The following FAM135B variants were observed in gnomAD, a reference collection of about 807,000 sequenced individuals.
FAM135B encodes family with sequence similarity 135 member B, also known as protein FAM135B.
FAM135B carries 43 observed loss-of-function variants against 127.7 expected under a neutral mutation model. That is an observed-to-expected ratio of 0.34 (90% CI 0.26 to 0.43). FAM135B has a LOEUF of 0.43. Ranked by LOEUF, FAM135B falls within the 20% of genes least tolerant of loss-of-function variation. The probability of loss-of-function intolerance (pLI) is 1.00; values close to 1 mark genes in which losing one functional copy is unlikely to be tolerated. For missense variants in FAM135B, 1,558 were observed against 1,725.6 expected, an observed-to-expected ratio of 0.90 and a Z score of 1.72; for synonymous variants, 670 against 665.1, an observed-to-expected ratio of 1.01 and a Z score of -0.11.
At chr8:138,253,814 G>A (rs1323393282) in intron 5 of FAM135B, among the ~76,000 whole-genome samples, 1 of 152,156 alleles carries the variant, frequency 6.6e-6, no homozygotes, top group Non-Finnish European at 1.5e-5. Flanking sequence ...ATGCTAAAGA[G>A]GCCAGATGAT....
intron 1 of FAM135B, among the ~76,000 whole-genome samples, chr8:138,445,742 AC>A (rs1836112715): frequency 1.3e-5 from 2 of 152,240 alleles, no homozygotes; most frequent in Admixed American, 1.3e-4. Flanking sequence ...GAAAACTGGC[AC>A]AAGACAGGGA....
intron 1 of FAM135B, among the ~76,000 whole-genome samples, chr8:138,488,151 T>C (rs76496761): frequency 0.017 from 2,647 of 152,236 alleles, 74 homozygotes; most frequent in African/African-American, 0.059. Flanking sequence ...CCAGGAACTG[T>C]AAATGGTGCT....
rs557577804 is a variant in FAM135B at position 138,456,476 on chromosome 8, T to C, written c.-20+40195A>G. 2.4e-4 allele frequency among the ~76,000 whole-genome samples: 37 copies of C among 152,290 alleles called. No homozygotes were observed. In the South Asian group the frequency reaches 7.7e-3, roughly 32 times the overall value. ...GGACAGGGTCTTAGCTTCTGTGTTT[T>C]GCTCCTTCAATATAATCCATGCTCC... On this transcript the variant is annotated intron_variant, in intron 1 of 19. Transcript: ENST00000395297.
At chr8:138,290,386 T>C (rs1392338793) in intron 3 of FAM135B, among the ~76,000 whole-genome samples, 2 of 152,214 alleles carry the variant, frequency 1.3e-5, no homozygotes, top group African/African-American at 2.4e-5. Flanking sequence ...TTTAGAGCAG[T>C]GAATGCCCAG....
At chr8:138,172,918 A>C (rs1820589821) in intron 11 of FAM135B, among the ~76,000 whole-genome samples, 1 of 152,154 alleles carries the variant, frequency 6.6e-6, no homozygotes, top group Admixed American at 6.5e-5. Context: ...CAGAAGCCAC[A>C]CAAGTGGGGA....
At chr8:138,321,161 C>A (rs926856564) in intron 2 of FAM135B, among the ~76,000 whole-genome samples, 1 of 152,184 alleles carries the variant, frequency 6.6e-6, no homozygotes, top group Non-Finnish European at 1.5e-5. Context: ...CATACTGGTA[C>A]CAGCCTTGCA....
At chr8:138,369,028 A>G (rs1320694272) in intron 1 of FAM135B, among the ~76,000 whole-genome samples, 1 of 152,194 alleles carries the variant, frequency 6.6e-6, no homozygotes, top group East Asian at 1.9e-4. Context: ...ACCTGGAGCC[A>G]CTTTCTAACT....
chr8:138,239,476 A>T (rs1416331672), intron 7 of FAM135B, among the ~76,000 whole-genome samples: 4 of 152,142 alleles, frequency 2.6e-5, no homozygotes, highest in Non-Finnish European at 5.9e-5. Context: ...AGATGAGTAG[A>T]TTGCAAAATT....
At chr8:138,484,475 C>A (rs73717277) in intron 1 of FAM135B, among the ~76,000 whole-genome samples, 2 of 152,102 alleles carry the variant, frequency 1.3e-5, no homozygotes, top group African/African-American at 2.4e-5. Context: ...CAGCTTCTGG[C>A]GACTGTGTGA....
In FAM135B at chr8:138,177,554, G is replaced by A. The variant is rs867707836; in HGVS notation, c.1030-134C>T. 15 of 718,528 alleles carry A rather than the reference G, an allele frequency of 2.1e-5. No individual in the cohort carries two copies. The South Asian group carries it at 3.2e-4, about 15-fold the overall frequency. The allele number at this position is 718,528 out of a possible 1,614,324, so 44.5% of individuals were successfully genotyped here. On this transcript the variant is annotated intron_variant, in intron 10 of 19. Transcript: ENST00000395297. ...AGAGAGCCAGGCCCCTGACCTGAAG[G>A]TTCTGAATCAACAGTCTTCACATTC...
chr8:138,371,440 C>G (rs969125228), intron 1 of FAM135B, among the ~76,000 whole-genome samples: 4 of 152,088 alleles, frequency 2.6e-5, no homozygotes, highest in Admixed American at 1.3e-4. Context: ...ATGACACATA[C>G]CCAGCACACA....
At chr8:138,427,266 A>G (rs1227768322) in intron 1 of FAM135B, among the ~76,000 whole-genome samples, 3 of 148,040 alleles carry the variant, frequency 2.0e-5, no homozygotes, top group Admixed American at 1.4e-4. Flanking sequence ...GAAGAAATTC[A>G]TCAAGATTAT....
intron 1 of FAM135B, among the ~76,000 whole-genome samples, chr8:138,472,671 A>T (rs1273082658): frequency 1.3e-5 from 2 of 152,200 alleles, no homozygotes; most frequent in South Asian, 4.1e-4. Flanking sequence ...GTTGTCCAGC[A>T]ATGTTAAGAA....
chr8:138,211,801 C>T (rs1211022230), intron 7 of FAM135B, among the ~76,000 whole-genome samples: 1 of 152,170 alleles, frequency 6.6e-6, no homozygotes, highest in Non-Finnish European at 1.5e-5. Context: ...GGCATGGTGG[C>T]TCACTCCTGT....
chr8:138,160,678 G>A (rs367690249), intron 12 of FAM135B, among the ~76,000 whole-genome samples: 6 of 151,848 alleles, frequency 4.0e-5, no homozygotes, highest in Non-Finnish European at 5.9e-5. Context: ...GATTACAGGC[G>A]TGAGCCACCA....
rs1816152780 is a variant in FAM135B at position 138,191,800 on chromosome 8, T to C, written c.873+3458A>G. On this transcript the variant is annotated intron_variant, in intron 9 of 19. Transcript: ENST00000395297. Reference sequence around the variant, plus strand: ...CAAAGGCATGAGTATCACCAAACTCTACTTTATGACCACAAAAAATGACAA... The same window carrying C: ...CAAAGGCATGAGTATCACCAAACTCCACTTTATGACCACAAAAAATGACAA... 2.6e-5 allele frequency among the ~76,000 whole-genome samples: 4 copies of C among 152,356 alleles called. No homozygotes were observed. In the South Asian group the frequency reaches 8.3e-4, roughly 32 times the overall value.
chr8:138,156,901 A>C (rs1268721716), intron 12 of FAM135B, among the ~76,000 whole-genome samples: 1 of 152,202 alleles, frequency 6.6e-6, no homozygotes, highest in Non-Finnish European at 1.5e-5. Flanking sequence ...TTCTGAAACT[A>C]TTCCAATCAA....
At chr8:138,281,872 A>C (rs1040374875) in intron 3 of FAM135B, among the ~76,000 whole-genome samples, 2 of 152,190 alleles carry the variant, frequency 1.3e-5, no homozygotes, top group Admixed American at 1.3e-4. Flanking sequence ...GTGCAGTGGC[A>C]CATTAATGGC....
intron 3 of FAM135B, among the ~76,000 whole-genome samples, chr8:138,298,059 T>C (rs1458275723): frequency 1.3e-5 from 2 of 152,164 alleles, no homozygotes; most frequent in African/African-American, 2.4e-5. Context: ...GGCAAGTCAG[T>C]GGCTTTCTCT....
Sources: allele counts gnomAD v4.1 joint callset (sites outside exome capture counted in the v4.1 genomes callset), GRCh38; gene constraint gnomAD v4.1.1; transcripts MANE v1.5; gene names NCBI Gene and HGNC (gene_info 2026-07-23, HGNC 2026-07-21).